The following PIK3AP1 variants were observed in gnomAD, a reference collection of about 807,000 sequenced individuals.
PIK3AP1 encodes the protein phosphoinositide-3-kinase adaptor protein 1.
A neutral mutation model predicts 88.1 loss-of-function variants in PIK3AP1; 21 were observed. That is an observed-to-expected ratio of 0.24 (90% confidence interval 0.17 to 0.34). The LOEUF (loss-of-function observed/expected upper bound fraction) is 0.34, where lower values mean the gene tolerates loss of function less well. Ranked by LOEUF, PIK3AP1 falls within the 10% of genes least tolerant of loss-of-function variation. The pLI is 1.00. For synonymous variants in PIK3AP1, 398 were observed against 400.0 expected (o/e 1.00, Z 0.06); for missense variants, 828 against 1,035.7 (o/e 0.80, Z 2.75).
chr10:96,700,942 A>G (rs1589546149), intron 2 of PIK3AP1: 3 of 361,580 alleles, frequency 8.3e-6, no homozygotes, highest in Non-Finnish European at 1.0e-5. Context: ...TACTGTGCCC[A>G]TAACAGCCCA....
rs924470384 is a variant in PIK3AP1, at chr10:96,708,574, C to CAA, written c.430+991_430+992dup. On this transcript the variant is annotated intron_variant, in intron 2 of 16. Coordinates refer to ENST00000339364, the MANE Select transcript of PIK3AP1 (RefSeq NM_152309.3). ...TGGACGTCAGAGCGAGGATCTGTCT[C>CAA]AAAAAAAAAAAAAAAAAAAAAAAAA... is the stretch of plus-strand genomic sequence containing the variant. 4.0e-3 allele frequency among the ~76,000 whole-genome samples: 51 copies of CAA among 12,770 alleles called. 3 individuals are homozygous for CAA. The highest frequency in any genetic ancestry group is 7.7e-3 in the South Asian group (3 of 388). 8.4% of individuals were successfully genotyped at this position (12,770 alleles called of 152,430 possible).
At chr10:96,635,808 G>A (rs1219930093) in intron 8 of PIK3AP1, among the ~76,000 whole-genome samples, 1 of 152,174 alleles carries the variant, frequency 6.6e-6, no homozygotes, top group Admixed American at 6.5e-5. Context: ...GGGAGGCTGA[G>A]GCAGGAGAAT....
chr10:96,613,117 G>A (rs1378187533), intron 13 of PIK3AP1, among the ~76,000 whole-genome samples: 3 of 148,760 alleles, frequency 2.0e-5, no homozygotes, highest in African/African-American at 5.0e-5. Flanking sequence ...TCCTGCCTCA[G>A]CCTCCTGAGT....
chr10:96,720,327 C>A lies in PIK3AP1; in HGVS notation c.13+55G>T. The A allele has an allele frequency of 5.6e-6, 7 of 1,241,246 alleles. No homozygotes were observed. Among genetic ancestry groups the A allele is most frequent in the Non-Finnish European group, 7.1e-6 (7 of 986,230 alleles). The allele number at this position is 1,241,246 out of a possible 1,614,324, so 76.9% of individuals were successfully genotyped here. On this transcript the variant is annotated intron_variant, in intron 1 of 16. Transcript: ENST00000339364. This position sits in a 1 kb window ranked among gnomAD's most constrained non-coding sequence, Gnocchi z 4.6. ...GCGGGGGAGCGCGCCTCAAGGGATG[C>A]GGGGTACGAGAGAGGGGCCGGGAGC... is the stretch of plus-strand genomic sequence containing the variant.
intron 2 of PIK3AP1, among the ~76,000 whole-genome samples, chr10:96,699,784 T>C (rs1321912666): frequency 6.6e-6 from 1 of 152,232 alleles, no homozygotes; most frequent in Non-Finnish European, 1.5e-5. Flanking sequence ...GGCAAGTCAC[T>C]GAACCTGCCT....
At chr10:96,640,257 G>A (rs1331081638) in intron 8 of PIK3AP1, among the ~76,000 whole-genome samples, 3 of 152,084 alleles carry the variant, frequency 2.0e-5, no homozygotes, top group Admixed American at 6.5e-5. Flanking sequence ...TTCTCTTTTC[G>A]CTCCTTTCGC....
intron 12 of PIK3AP1, chr10:96,618,563 CA>C (rs1843032115): frequency 7.0e-6 from 1 of 143,042 alleles, no homozygotes; most frequent in African/African-American, 2.6e-5. Flanking sequence ...CTCATATTAG[CA>C]ATTACCTTAC....
At chr10:96,608,422 G>T (rs143544695) in intron 14 of PIK3AP1, among the ~76,000 whole-genome samples, 78 of 152,352 alleles carry the variant, frequency 5.1e-4, no homozygotes, top group Middle Eastern at 6.8e-3. Context: ...GTAAGAGGAA[G>T]TTTTCTCCTC....
intron 2 of PIK3AP1, among the ~76,000 whole-genome samples, chr10:96,704,210 T>G (rs1187830768): frequency 6.6e-6 from 1 of 152,174 alleles, no homozygotes; most frequent in Non-Finnish European, 1.5e-5. Context: ...CACCAAATAC[T>G]GGCCTAATTT....
intron 2 of PIK3AP1, among the ~76,000 whole-genome samples, chr10:96,668,080 AT>A (rs1211273273): frequency 6.6e-6 from 1 of 152,248 alleles, no homozygotes; most frequent in Non-Finnish European, 1.5e-5. Flanking sequence ...TATTAACTTA[AT>A]AGCACAACGA....
At chr10:96,623,147 AG>A (rs1283989686) in intron 11 of PIK3AP1, among the ~76,000 whole-genome samples, 1 of 152,162 alleles carries the variant, frequency 6.6e-6, no homozygotes, top group African/African-American at 2.4e-5. Context: ...CATCAGTACA[AG>A]ACTCTCAGAC....
At chr10:96,618,251 T>C (rs1032585264) in intron 12 of PIK3AP1, among the ~76,000 whole-genome samples, 2 of 152,194 alleles carry the variant, frequency 1.3e-5, no homozygotes, top group Non-Finnish European at 2.9e-5. Context: ...TGTATACCTA[T>C]GTAAAAAACC....
chr10:96,598,122 C>A (rs1452983945), intron 16 of PIK3AP1, among the ~76,000 whole-genome samples: 1 of 147,466 alleles, frequency 6.8e-6, no homozygotes, highest in Non-Finnish European at 1.5e-5. Context: ...CAGCTTACTA[C>A]AGCCTCAAAC....
intron 2 of PIK3AP1, among the ~76,000 whole-genome samples, chr10:96,689,645 CCATGAAGTTTTCAA>C (rs1844125610): frequency 1.3e-5 from 2 of 151,880 alleles, no homozygotes; most frequent in South Asian, 4.2e-4. Flanking sequence ...GTCATCCTCT[CCATGAAGTTTTCAA>C]CTGTCCACCC....
rs60244462 is a variant in PIK3AP1, at chr10:96,669,351, C to T, written c.431-12417G>A. 7.5e-3 allele frequency among the ~76,000 whole-genome samples: 1,142 copies of T among 152,300 alleles called. 19 individuals carry two copies. Among genetic ancestry groups the T allele is most frequent in the African/African-American group, 0.025 (1,021 of 41,560 alleles). On this transcript the variant is annotated intron_variant, in intron 2 of 16. Transcript: ENST00000339364. ...AAAACCTGAGCTTACTACGAAGTTT[C>T]CTAGTCACATAGCAAGTGTCTACGG...
intron 2 of PIK3AP1, among the ~76,000 whole-genome samples, chr10:96,704,672 T>C (rs1460432660): frequency 6.6e-6 from 1 of 151,744 alleles, no homozygotes; most frequent in African/African-American, 2.4e-5. Flanking sequence ...TGAGCCGAGA[T>C]TGCGCCACTG....
chr10:96,668,464 G>C (rs1843795791), intron 2 of PIK3AP1, among the ~76,000 whole-genome samples: 1 of 152,214 alleles, frequency 6.6e-6, no homozygotes, highest in South Asian at 2.1e-4. Context: ...ATGAAGGCCT[G>C]TAGCATAAAC....
chr10:96,677,578 T>TACACACACACACACACACAC (rs35018772), intron 2 of PIK3AP1, among the ~76,000 whole-genome samples: 1 of 121,112 alleles, frequency 8.3e-6, no homozygotes, highest in Non-Finnish European at 1.8e-5. Context: ...ACTAAGCACA[T>TACACACACACACACACACAC]ACACACACAC....
intron 2 of PIK3AP1, among the ~76,000 whole-genome samples, chr10:96,689,212 AT>A (rs1411621274): frequency 6.6e-6 from 1 of 152,058 alleles, no homozygotes; most frequent in Non-Finnish European, 1.5e-5. Context: ...TGCCTTGCCC[AT>A]GGAGTTCCCT....
Sources: allele counts gnomAD v4.1 joint callset (sites outside exome capture counted in the v4.1 genomes callset), GRCh38; gene constraint gnomAD v4.1.1; non-coding constraint Gnocchi (gnomAD v3.1); transcripts MANE v1.5; gene names NCBI Gene and HGNC (gene_info 2026-07-23, HGNC 2026-07-21).